The following CFAP54 variants were observed in gnomAD, a reference collection of about 807,000 sequenced individuals.
The protein encoded by CFAP54 is cilia and flagella associated protein 54.
Under a neutral mutation model 370.4 loss-of-function variants are expected in CFAP54, and 290 were observed. The observed-to-expected ratio is 0.78, with a 90% CI of 0.71 to 0.86. The LOEUF (loss-of-function observed/expected upper bound fraction) is 0.86. CFAP54 is among the 40% of genes least tolerant of loss of function. The pLI is 0.00. For missense variants in CFAP54, 3,399 were observed against 3,528.7 expected (o/e 0.96, Z 0.93); for synonymous variants, 1,206 against 1,236.5 (o/e 0.98, Z 0.52).
At chr12:96,520,413 G>A (rs1213679396) in intron 6 of CFAP54, among the ~76,000 whole-genome samples, 1 of 152,044 alleles carries the variant, frequency 6.6e-6, no homozygotes, top group Non-Finnish European at 1.5e-5. Flanking sequence ...GCATGGTGGT[G>A]TGCACCTGTA....
At position 96,618,424 on chromosome 12, in the gene CFAP54, C is replaced by T. The variant is rs141854773; in HGVS notation, c.3640-3166C>T. Among the ~76,000 whole-genome samples the T allele has an allele frequency of 3.3e-5, 5 of 152,260 alleles. No individual in the cohort carries two copies. The East Asian group carries it at 7.7e-4, about 24-fold the overall frequency. On this transcript the variant is annotated intron_variant, in intron 26 of 67. Transcript: ENST00000524981. Reference sequence around the variant, plus strand: ...CCCAGCACATGTGGGAGGGGTTAGTCTGGACAGGAGATTCGCTTCTCGTCT... The same window carrying T: ...CCCAGCACATGTGGGAGGGGTTAGTTTGGACAGGAGATTCGCTTCTCGTCT...
At chr12:96,586,988 A>G (rs976249769) in intron 22 of CFAP54, among the ~76,000 whole-genome samples, 2 of 152,148 alleles carry the variant, frequency 1.3e-5, no homozygotes, top group Non-Finnish European at 2.9e-5. Context: ...GTTTTGAAGG[A>G]GGAGCTAACA....
chr12:96,831,286 A>C (rs1233869258), intron 66 of CFAP54, among the ~76,000 whole-genome samples: 2 of 152,198 alleles, frequency 1.3e-5, no homozygotes, highest in African/African-American at 2.4e-5. Context: ...CAAATCAATA[A>C]ATGAGATAAT....
intron 32 of CFAP54, among the ~76,000 whole-genome samples, chr12:96,641,827 G>A (rs540713831): frequency 1.3e-5 from 2 of 149,930 alleles, no homozygotes; most frequent in Non-Finnish European, 2.9e-5. Context: ...TTGTCACAAG[G>A]ACAAAAAACC....
At chr12:96,754,663 T>A (rs1023961291) in intron 56 of CFAP54, among the ~76,000 whole-genome samples, 2 of 152,138 alleles carry the variant, frequency 1.3e-5, no homozygotes, top group African/African-American at 2.4e-5. Flanking sequence ...ACAGGCTGCA[T>A]GAAAGCTGTG....
intron 26 of CFAP54, among the ~76,000 whole-genome samples, chr12:96,600,080 C>T (rs1956222948): frequency 6.6e-6 from 1 of 152,166 alleles, no homozygotes; most frequent in Non-Finnish European, 1.5e-5. Context: ...TTGCCCATGC[C>T]TATGTCCTGA....
chr12:96,732,110 T>TTG (rs34235358), intron 50 of CFAP54, among the ~76,000 whole-genome samples: 15,515 of 148,894 alleles, frequency 0.1, 901 homozygotes, highest in South Asian at 0.28. Flanking sequence ...GTGTGTGTGT[T>TTG]TGTGTGTGTG....
intron 1 of CFAP54, among the ~76,000 whole-genome samples, chr12:96,499,054 C>G (rs1289700465): frequency 2.0e-5 from 3 of 152,132 alleles, no homozygotes; most frequent in African/African-American, 4.8e-5. Flanking sequence ...TCTCAGCTCA[C>G]TGCAATCTCC....
At chr12:96,596,001 T>C (rs141249851) in intron 25 of CFAP54, among the ~76,000 whole-genome samples, 1 of 152,300 alleles carries the variant, frequency 6.6e-6, no homozygotes, top group Admixed American at 6.5e-5. Flanking sequence ...GTCATTGATA[T>C]AGTGGCCCAA....
At chr12:96,733,867 G>A (rs865947076) in intron 50 of CFAP54, among the ~76,000 whole-genome samples, 4 of 152,092 alleles carry the variant, frequency 2.6e-5, no homozygotes, top group Admixed American at 6.6e-5. Flanking sequence ...TCAGAATTTG[G>A]GTTTCAAGAT....
chr12:96,852,424 G>A (rs1490412712), intron 66 of CFAP54, among the ~76,000 whole-genome samples: 1 of 151,984 alleles, frequency 6.6e-6, no homozygotes, highest in African/African-American at 2.4e-5. Flanking sequence ...TTATGACAGA[G>A]GTAACTCATC....
chr12:96,824,304 T>C (rs1266175482), intron 65 of CFAP54, among the ~76,000 whole-genome samples: 4 of 152,148 alleles, frequency 2.6e-5, no homozygotes, highest in Admixed American at 2.0e-4. Context: ...TAATGCCAGA[T>C]TAAAAGGATG....
intron 11 of CFAP54, 110 bp from the exon 12 acceptor site, chr12:96,535,405 C>A: frequency 3.0e-6 from 2 of 669,822 alleles, no homozygotes; most frequent in South Asian, 1.8e-5. Context: ...GATATTTGCC[C>A]GCCTATCATT....
intron 6 of CFAP54, 47 bp from the exon 7 acceptor site, chr12:96,521,810 T>C (rs1955324122): frequency 1.5e-6 from 2 of 1,312,456 alleles, no homozygotes; most frequent in African/African-American, 1.5e-5. Context: ...TACATTTTAA[T>C]CACTATATTC....
chr12:96,506,959 A>G lies in CFAP54; in HGVS notation c.599A>G (p.Asn200Ser). 6.5e-7 allele frequency: 1 copy of G among 1,531,250 alleles called. No homozygotes were observed. Among genetic ancestry groups the G allele is most frequent in the Non-Finnish European group, 8.7e-7 (1 of 1,145,898 alleles). 94.9% of individuals were successfully genotyped at this position (1,531,250 alleles called of 1,614,324 possible). A position where few individuals can be genotyped will look rare whatever the true frequency, so the allele number is the denominator to read the frequency against. ...GCTTTGAGTGGCAAAAATATGTGCA[A>G]CTACCAGCTGGTCTGCGACAGTGAT... ...FHALSGKNMC[N>S]YQLVCDSDEN... is the part of the protein sequence containing the mutation. Residue 200 changes from asparagine (N) to serine (S), a missense_variant, in exon 4 of 68, where the codon AAC becomes AGC. Physicochemically the swap from Asn to Ser is conservative, Grantham distance 46 (BLOSUM62 1). Coordinates refer to ENST00000524981, the MANE Select transcript of CFAP54 (RefSeq NM_001306084.2).
At chr12:96,599,037 C>G (rs562823346) in intron 26 of CFAP54, among the ~76,000 whole-genome samples, 1 of 152,016 alleles carries the variant, frequency 6.6e-6, no homozygotes, top group African/African-American at 2.4e-5. Context: ...ACTTTAAGTT[C>G]TAGGCTACAT....
intron 11 of CFAP54, among the ~76,000 whole-genome samples, chr12:96,535,101 C>G (rs867525927): frequency 6.6e-6 from 1 of 151,372 alleles, no homozygotes; most frequent in Non-Finnish European, 1.5e-5. Context: ...CTCTGTTGCC[C>G]AGGCTGAAGT....
chr12:96,793,206 G>A (rs1278990956), intron 63 of CFAP54, among the ~76,000 whole-genome samples: 1 of 151,848 alleles, frequency 6.6e-6, no homozygotes, highest in African/African-American at 2.4e-5. Flanking sequence ...TCTCCCCCGA[G>A]CCCCCAAAAT....
In CFAP54 at chr12:96,552,687, A is replaced by G. The variant is rs193036578; in HGVS notation, c.2155-1495A>G. Among the ~76,000 whole-genome samples the G allele has an allele frequency of 7.4e-4, 113 of 152,264 alleles. 1 individual carries two copies. Among genetic ancestry groups the G allele is most frequent in the Middle Eastern group, 3.4e-3 (1 of 294 alleles). On this transcript the variant is annotated intron_variant, in intron 15 of 67. Transcript: ENST00000524981. ...ATGTCCATTGGCAGAAGAGTGGATA[A>G]ATTGGGACATATTCCTCCAAGTAAC...
Sources: allele counts gnomAD v4.1 joint callset (sites outside exome capture counted in the v4.1 genomes callset), GRCh38; gene constraint gnomAD v4.1.1; transcripts MANE v1.5; gene names NCBI Gene and HGNC (gene_info 2026-07-23, HGNC 2026-07-21).